EML4: variants seen among roughly 807,000 people sequenced by gnomAD.
EML4 encodes the protein echinoderm microtubule-associated protein-like 4.
A neutral mutation model predicts 129.0 loss-of-function variants in EML4; 72 were observed. The ratio of observed to expected loss-of-function variants is 0.56; its 90% confidence interval spans 0.46 to 0.68. EML4 has a LOEUF of 0.68. EML4 is among the 30% of genes least tolerant of loss of function. EML4 has a pLI of 0.00. For missense variants in EML4, 1,363 were observed against 1,190.6 expected (o/e 1.14, Z -2.13); for synonymous variants, 532 against 405.0 (o/e 1.31, Z -3.77).
intron 6 of EML4, 80 bp downstream of exon 6, chr2:42,264,811 C>A: frequency 1.4e-6 from 2 of 1,381,796 alleles, no homozygotes; most frequent in East Asian, 2.4e-5. Flanking sequence ...TATTTTCATC[C>A]AGTGCACTTT....
chr2:42,301,270 G>C lies in EML4; in HGVS notation c.1519G>C (p.Ala507Pro). Reference protein sequence around the residue: ...GVYQISKQIKAHDGSVFTLCQ... With the variant: ...GVYQISKQIKPHDGSVFTLCQ... ...ATATCAAATCAGCAAACAAATCAAAGCTCATGATGGCAGTGTGTTCACACT... is the reference window on the plus strand; with the variant it reads ...ATATCAAATCAGCAAACAAATCAAACCTCATGATGGCAGTGTGTTCACACT... Residue 507 changes from alanine (A) to proline (P), a missense_variant, in exon 14 of 23, where the codon GCT (alanine) becomes CCT (proline). Ala to Pro is a conservative substitution (Grantham distance 27, BLOSUM62 -1). Transcript: ENST00000318522. The C allele has an allele frequency of 1.9e-6, 3 of 1,612,564 alleles. No homozygotes were observed. Among genetic ancestry groups the C allele is most frequent in the Non-Finnish European group, 2.5e-6 (3 of 1,179,392 alleles).
At chr2:42,262,679 T>C (rs750307789) in intron 4 of EML4, among the ~76,000 whole-genome samples, 29 of 152,214 alleles carry the variant, frequency 1.9e-4, no homozygotes, top group Non-Finnish European at 2.9e-4. Context: ...TATAAAGTCT[T>C]GTTTATTTCT....
intron 1 of EML4, among the ~76,000 whole-genome samples, chr2:42,221,991 C>T (rs981187813): frequency 1.3e-5 from 2 of 152,036 alleles, no homozygotes; most frequent in Non-Finnish European, 2.9e-5. Flanking sequence ...CTGCCTGGTC[C>T]CAACGTGCTG....
chr2:42,331,424 G>C lies in EML4; in HGVS notation c.*1217G>C, dbSNP rs1670094130. On this transcript the variant is annotated 3_prime_UTR_variant, in exon 23 of 23. Transcript: ENST00000318522. ...TGGAAAGGTATTTTTTTTAAGTTCT[G>C]TTGGCTAGCTATGGTTTTCAGTACA... The C allele has an allele frequency of 4.5e-6, 1 of 224,036 alleles. No homozygotes were observed. The highest frequency in any genetic ancestry group is 5.7e-5 in the Admixed American group (1 of 17,484). 13.9% of individuals were successfully genotyped at this position (224,036 alleles called of 1,614,324 possible). A position where few individuals can be genotyped will look rare whatever the true frequency, so the allele number is the denominator to read the frequency against.
intron 1 of EML4, among the ~76,000 whole-genome samples, chr2:42,237,506 G>A (rs1028883008): frequency 2.6e-5 from 4 of 151,938 alleles, no homozygotes; most frequent in Non-Finnish European, 5.9e-5. Context: ...TGGAGATATG[G>A]GCTTTAATAT....
chr2:42,273,582 C>T (rs1248039311), intron 6 of EML4, among the ~76,000 whole-genome samples: 2 of 152,138 alleles, frequency 1.3e-5, no homozygotes, highest in Admixed American at 6.5e-5. Flanking sequence ...ATATCTTTTA[C>T]ACTGTGCATC....
rs1159172472 is a variant in EML4, at chr2:42,263,281, C to A, written c.616C>A (p.Pro206Thr). The A allele has an allele frequency of 1.2e-6, 2 of 1,611,744 alleles. No homozygotes were observed. The highest frequency in any genetic ancestry group is 2.2e-5 in the South Asian group (2 of 90,394). The change falls in exon 5 of 23, where the codon CCA (proline) becomes ACA (threonine). Residue 206 changes from proline (P) to threonine (T), a missense_variant. Physicochemically the swap from Pro to Thr is conservative, Grantham distance 38. Transcript: ENST00000318522. Reference protein sequence around the residue: ...SKIPSTPKLIPKVTKTADKHK... With the variant: ...SKIPSTPKLITKVTKTADKHK... ...AATACCTTCAACACCCAAATTAATA[C>A]CAAAAGTTACCAAAACTGCAGACAA...
intron 17 of EML4, among the ~76,000 whole-genome samples, chr2:42,308,163 GA>G (rs1668722790): frequency 6.6e-6 from 1 of 152,112 alleles, no homozygotes; most frequent in African/African-American, 2.4e-5. Flanking sequence ...AATTTTAAGA[GA>G]AAAAAATTAA....
intron 8 of EML4, 47 bp from the exon 9 acceptor site, chr2:42,284,587 G>A: frequency 7.3e-7 from 1 of 1,379,300 alleles, no homozygotes. Context: ...GTATTCTGTT[G>A]TTTCATGTTT....
At chr2:42,298,916 G>A (rs1396027725) in intron 13 of EML4, among the ~76,000 whole-genome samples, 1 of 152,118 alleles carries the variant, frequency 6.6e-6, no homozygotes, top group East Asian at 1.9e-4. Flanking sequence ...AGGGAAATAA[G>A]CCTAGAATTT....
intron 1 of EML4, among the ~76,000 whole-genome samples, chr2:42,201,431 T>G (rs113484873): frequency 4.6e-5 from 7 of 152,200 alleles, no homozygotes; most frequent in African/African-American, 1.7e-4. Context: ...AAGTTGAACA[T>G]AAGTCTAATA....
chr2:42,228,380 G>A (rs1041627964), intron 1 of EML4, among the ~76,000 whole-genome samples: 3 of 152,200 alleles, frequency 2.0e-5, no homozygotes, highest in African/African-American at 4.8e-5. Context: ...GAGTTTTGCT[G>A]ATATAGCTTG....
Position 42,263,292 on chromosome 2 carries a change from C to A in EML4, c.627C>A (p.Thr209=). The A allele has an allele frequency of 6.2e-7, 1 of 1,610,070 alleles. No individual in the cohort carries two copies. Among genetic ancestry groups the A allele is most frequent in the South Asian group, 1.1e-5 (1 of 90,270 alleles). ...PSTPKLIPKV[T]KTADKHKDVI... is the part of the protein sequence containing the mutation. ...CACCCAAATTAATACCAAAAGTTAC[C>A]AAAACTGCAGACAAGTAAGTATTGC... The change falls in exon 5 of 23, where the codon ACC becomes ACA. Residue 209 remains threonine (T), a synonymous_variant. Coordinates refer to ENST00000318522, the MANE Select transcript of EML4 (RefSeq NM_019063.5).
chr2:42,232,071 T>C (rs1018127790), intron 1 of EML4, among the ~76,000 whole-genome samples: 8 of 152,134 alleles, frequency 5.3e-5, no homozygotes, highest in African/African-American at 1.7e-4. Context: ...TCTGGATGAA[T>C]AGGAGTTTTG....
intron 2 of EML4, among the ~76,000 whole-genome samples, chr2:42,247,375 G>T (rs1178205825): frequency 6.6e-6 from 1 of 152,180 alleles, no homozygotes; most frequent in African/African-American, 2.4e-5. Flanking sequence ...ATTTGAAAGA[G>T]ATGCTGAGAG....
intron 1 of EML4, among the ~76,000 whole-genome samples, chr2:42,218,254 C>G (rs925802564): frequency 3.3e-5 from 5 of 151,988 alleles, no homozygotes; most frequent in African/African-American, 1.2e-4. Flanking sequence ...TTATGAGAAT[C>G]TAATGCCTGA....
Position 42,322,290 on chromosome 2 carries a change from C to T in EML4, c.2155-3177C>T, listed in dbSNP as rs117658368. On this transcript the variant is annotated intron_variant, in intron 19 of 22. Transcript: ENST00000318522. ...AAGGCAATTCAGTTCCCTGAGAGTGCAGCAACGTTTCAGTTACTTAGAAAC... is the reference window on the plus strand; with the variant it reads ...AAGGCAATTCAGTTCCCTGAGAGTGTAGCAACGTTTCAGTTACTTAGAAAC... 4.8e-4 allele frequency among the ~76,000 whole-genome samples: 73 copies of T among 152,338 alleles called. No individual in the cohort carries two copies. In the East Asian group the frequency reaches 0.013, roughly 27 times the overall value.
chr2:42,261,374 A>G (rs1665723917), intron 4 of EML4, 80 bp downstream of exon 4: 6 of 1,292,480 alleles, frequency 4.6e-6, no homozygotes, highest in East Asian at 2.4e-5. Flanking sequence ...AAAGTTAGCT[A>G]TCCAAGGATT....
At chr2:42,300,954 C>G (rs1185408240) in intron 13 of EML4, among the ~76,000 whole-genome samples, 1 of 152,012 alleles carries the variant, frequency 6.6e-6, no homozygotes, top group Non-Finnish European at 1.5e-5. Context: ...ATACTATATC[C>G]CCTTTCGTCT....
Sources: allele counts gnomAD v4.1 joint callset (sites outside exome capture counted in the v4.1 genomes callset), GRCh38; gene constraint gnomAD v4.1.1; transcripts MANE v1.5; gene names NCBI Gene and HGNC (gene_info 2026-07-23, HGNC 2026-07-21).